Variants in SNX6 observed in about 807,000 individuals in gnomAD.
SNX6 encodes the protein sorting nexin-6.
Under a neutral mutation model 63.0 loss-of-function variants are expected in SNX6, and 34 were observed. The observed-to-expected ratio is 0.54, with a 90% confidence interval of 0.41 to 0.72. SNX6 has a LOEUF of 0.72. Among genes scored for constraint, SNX6 ranks in the 30% least tolerant of loss-of-function variants. SNX6 has a pLI of 0.00. For missense variants in SNX6, 398 were observed against 471.4 expected, an observed-to-expected ratio of 0.84 and a Z score of 1.44; for synonymous variants, 170 against 164.2, an observed-to-expected ratio of 1.04 and a Z score of -0.27.
At chr14:34,579,748 G>A (rs956648872) in intron 10 of SNX6, among the ~76,000 whole-genome samples, 2 of 151,128 alleles carry the variant, frequency 1.3e-5, no homozygotes, top group African/African-American at 2.4e-5. Flanking sequence ...AGCACTTTGC[G>A]AGGCTGAGGC....
chr14:34,590,943 GTTTT>G (rs1882368306), intron 8 of SNX6, among the ~76,000 whole-genome samples: 2 of 152,106 alleles, frequency 1.3e-5, no homozygotes, highest in African/African-American at 4.8e-5. Flanking sequence ...TCTCAAAATA[GTTTT>G]TTGAGTTTCA....
At position 34,567,712 on chromosome 14, in the gene SNX6, C is replaced by T; in HGVS notation, c.1141G>A (p.Ala381Thr). The T allele has an allele frequency of 6.2e-7, 1 of 1,613,684 alleles. No individual in the cohort carries two copies. Among genetic ancestry groups the T allele is most frequent in the Non-Finnish European group, 8.5e-7 (1 of 1,179,690 alleles). Residue 381 changes from alanine (A) to threonine (T), a missense_variant, in exon 13 of 14, where the codon GCA (alanine) becomes ACA (threonine). Physicochemically the swap from Ala to Thr is moderately conservative, Grantham distance 58. Transcript: ENST00000362031. ...TTTGCATGCTTCAGTTCTAACTCTGCCAGTTCCACTAAATTTTTTCTGAAT... is the reference window on the plus strand; with the variant it reads ...TTTGCATGCTTCAGTTCTAACTCTGTCAGTTCCACTAAATTTTTTCTGAAT... ...AAFRKNLVEL[A>T]ELELKHAKGN...
chr14:34,591,888 G>A (rs1013319317), intron 8 of SNX6, among the ~76,000 whole-genome samples: 1 of 152,050 alleles, frequency 6.6e-6, no homozygotes, highest in African/African-American at 2.4e-5. Context: ...AGTGTTCTAC[G>A]AAAAAATTAG....
At chr14:34,603,518 A>G (rs755896412) in intron 5 of SNX6, 47 bp from the exon 6 acceptor site, 2 of 1,490,898 alleles carry the variant, frequency 1.3e-6, no homozygotes, top group South Asian at 1.4e-5. Flanking sequence ...CATCAACTAA[A>G]AAGTCACCTG....
At chr14:34,623,899 T>C (rs1883722975) in intron 2 of SNX6, among the ~76,000 whole-genome samples, 1 of 152,210 alleles carries the variant, frequency 6.6e-6, no homozygotes, top group African/African-American at 2.4e-5. Flanking sequence ...TGGCATGCAC[T>C]GTTCTTATTT....
chr14:34,627,147 G>A (rs569831164), intron 2 of SNX6, among the ~76,000 whole-genome samples: 25 of 151,918 alleles, frequency 1.6e-4, no homozygotes, highest in Non-Finnish European at 2.8e-4. Flanking sequence ...GCTTGCCTAA[G>A]TTTAAAAAAA....
intron 6 of SNX6, 30 bp from the exon 7 acceptor site, chr14:34,597,675 G>A: frequency 7.7e-7 from 1 of 1,303,306 alleles, no homozygotes; most frequent in Non-Finnish European, 1.1e-6. Context: ...ACATTTTTAA[G>A]GTTACAAATG....
intron 7 of SNX6, among the ~76,000 whole-genome samples, chr14:34,593,396 G>A (rs1011213373): frequency 6.6e-6 from 1 of 151,196 alleles, no homozygotes; most frequent in African/African-American, 2.4e-5. Flanking sequence ...AAGTTCACGT[G>A]CTGTACTCTT....
chr14:34,623,907 T>C (rs1883723329), intron 2 of SNX6, among the ~76,000 whole-genome samples: 2 of 152,194 alleles, frequency 1.3e-5, no homozygotes, highest in Admixed American at 1.3e-4. Flanking sequence ...ACTGTTCTTA[T>C]TTAACAAGCA....
intron 13 of SNX6, among the ~76,000 whole-genome samples, chr14:34,565,846 T>C (rs1425887309): frequency 2.0e-5 from 3 of 151,752 alleles, no homozygotes; most frequent in South Asian, 2.1e-4. Context: ...CCCGCCACCA[T>C]GCCTGGTTAA....
intron 8 of SNX6, among the ~76,000 whole-genome samples, chr14:34,587,860 G>A (rs1941821591): frequency 6.7e-6 from 1 of 149,290 alleles, no homozygotes; most frequent in African/African-American, 2.5e-5. Flanking sequence ...ACCCAGGCTG[G>A]AGTGCAGTGG....
rs1882930010 is a variant in SNX6, at chr14:34,604,179, G to A, written c.393-708C>T. 3 of 1,288,130 alleles carry A rather than the reference G, an allele frequency of 2.3e-6. No individual in the cohort carries two copies. In the African/African-American group the frequency reaches 4.6e-5, roughly 20 times the overall value. 79.8% of individuals were successfully genotyped at this position (1,288,130 alleles called of 1,614,324 possible). On this transcript the variant is annotated intron_variant, in intron 5 of 13. Transcript: ENST00000362031. ...ATGATGGGAGAAGTTTGATCTCTGTGAGGGTAGTCATTCAGTGAAGACAAA... is the reference window on the plus strand; with the variant it reads ...ATGATGGGAGAAGTTTGATCTCTGTAAGGGTAGTCATTCAGTGAAGACAAA...
chr14:34,626,482 G>C (rs149194884), intron 2 of SNX6, among the ~76,000 whole-genome samples: 1 of 147,872 alleles, frequency 6.8e-6, no homozygotes, highest in African/African-American at 2.5e-5. Context: ...GTGAAACCCC[G>C]CCTCTACTAA....
chr14:34,609,542 C>G, intron 3 of SNX6, 96 bp downstream of exon 3: 4 of 359,400 alleles, frequency 1.1e-5, no homozygotes, highest in East Asian at 1.2e-4. Context: ...AAAATAGTTT[C>G]TTTCCAATTA....
intron 11 of SNX6, chr14:34,569,252 T>TA: frequency 1.9e-6 from 1 of 529,412 alleles, no homozygotes; most frequent in Non-Finnish European, 3.4e-6. Context: ...CAATGGTTTT[T>TA]AGCAAGCTCA....
chr14:34,612,123 T>TA, intron 2 of SNX6, among the ~76,000 whole-genome samples: 1 of 152,178 alleles, frequency 6.6e-6, no homozygotes, highest in East Asian at 1.9e-4. Flanking sequence ...TTTTTTTAAA[T>TA]AGAGACAGGG....
At chr14:34,620,088 A>G (rs1310565495) in intron 2 of SNX6, among the ~76,000 whole-genome samples, 2 of 152,200 alleles carry the variant, frequency 1.3e-5, no homozygotes, top group Middle Eastern at 3.4e-3. Context: ...GTACTGTTCC[A>G]TTTCAAATTA....
chr14:34,589,880 G>A (rs1239471658), intron 8 of SNX6, among the ~76,000 whole-genome samples: 1 of 152,038 alleles, frequency 6.6e-6, no homozygotes, highest in East Asian at 1.9e-4. Flanking sequence ...GGAGGCCAAG[G>A]TGAGAGGACT....
Position 34,567,681 on chromosome 14 carries a change from A to G in SNX6, c.1167+5T>C, listed in dbSNP as rs746373030. ...TAAATTATTAAATCTTTATTACAAC[A>G]CTACCTTTGCATGCTTCAGTTCTAA... On this transcript the variant is annotated splice_donor_5th_base_variant and intron_variant, in intron 13 of 13. Coordinates refer to ENST00000362031, the MANE Select transcript of SNX6 (RefSeq NM_152233.4). 1 of 1,606,186 alleles carries G rather than the reference A, an allele frequency of 6.2e-7. No individual in the cohort carries two copies. The highest frequency in any genetic ancestry group is 1.1e-5 in the South Asian group (1 of 90,780).
Sources: allele counts gnomAD v4.1 joint callset (sites outside exome capture counted in the v4.1 genomes callset), GRCh38; gene constraint gnomAD v4.1.1; transcripts MANE v1.5; gene names NCBI Gene and HGNC (gene_info 2026-07-23, HGNC 2026-07-21).